Variants in KIAA1217 observed in about 807,000 individuals in gnomAD.
The protein encoded by KIAA1217 is sickle tail protein homolog.
KIAA1217 carries 88 observed loss-of-function variants against 163.9 expected under a neutral mutation model. That is an observed-to-expected ratio of 0.54 (90% CI 0.45 to 0.64). The LOEUF (loss-of-function observed/expected upper bound fraction) is 0.64. Among genes scored for constraint, KIAA1217 ranks in the 30% least tolerant of loss-of-function variants. The pLI, the probability that KIAA1217 is intolerant of heterozygous loss-of-function variation, is 0.00. For missense variants in KIAA1217, 2,372 were observed against 2,475.0 expected (o/e 0.96, Z 0.88); for synonymous variants, 903 against 923.1 (o/e 0.98, Z 0.39).
At chr10:24,330,774 C>A (rs2045570720) in intron 2 of KIAA1217, among the ~76,000 whole-genome samples, 1 of 151,972 alleles carries the variant, frequency 6.6e-6, no homozygotes, top group African/African-American at 2.4e-5. Flanking sequence ...GCCACCACAC[C>A]AGGCTAATTT....
intron 2 of KIAA1217, among the ~76,000 whole-genome samples, chr10:24,192,426 T>C (rs2066766238): frequency 6.6e-6 from 1 of 152,136 alleles, no homozygotes; most frequent in Non-Finnish European, 1.5e-5. Context: ...TCTGCTGTTT[T>C]CTCAATGTCA....
chr10:23,821,111 G>GTT (rs1241691673), intron 1 of KIAA1217, among the ~76,000 whole-genome samples: 28 of 130,838 alleles, frequency 2.1e-4, no homozygotes, highest in African/African-American at 7.6e-4. Flanking sequence ...GTGCGTGTGT[G>GTT]TGTGTGTGTG....
intron 1 of KIAA1217, among the ~76,000 whole-genome samples, chr10:23,826,934 T>C (rs1187108905): frequency 1.3e-5 from 2 of 152,194 alleles, no homozygotes; most frequent in African/African-American, 4.8e-5. Context: ...CATAAAATTT[T>C]ACTGCCCTTT....
chr10:24,229,240 C>G (rs1376089351), intron 2 of KIAA1217, among the ~76,000 whole-genome samples: 3 of 152,120 alleles, frequency 2.0e-5, no homozygotes, highest in East Asian at 3.9e-4. Flanking sequence ...TAAGTCGCAG[C>G]CTTTGGCCAC....
chr10:24,277,424 C>T (rs888901720), intron 2 of KIAA1217, among the ~76,000 whole-genome samples: 8 of 152,188 alleles, frequency 5.3e-5, no homozygotes, highest in Non-Finnish European at 7.3e-5. Context: ...TGGGGGAGCC[C>T]AGGAATGGGG....
chr10:24,438,410 C>T lies in KIAA1217; in HGVS notation c.777C>T (p.Leu259=). 6.2e-7 allele frequency: 1 copy of T among 1,613,080 alleles called. No individual in the cohort carries two copies. The highest frequency in any genetic ancestry group is 8.5e-7 in the Non-Finnish European group (1 of 1,179,052). Residue 259 remains leucine (L), a synonymous_variant, in exon 5 of 21, where the codon CTC becomes CTT. Coordinates refer to ENST00000376454, the MANE Select transcript of KIAA1217 (RefSeq NM_019590.5). ...DVRNIQDRSL[L]KVYNKDPAHA... ...GGAACATTCAAGACAGATCACTCCT[C>T]AAAGTGTACAACAAGGATCCTGCAC...
chr10:24,464,912 C>A (rs572987170), intron 5 of KIAA1217, among the ~76,000 whole-genome samples: 27 of 152,288 alleles, frequency 1.8e-4, no homozygotes, highest in African/African-American at 6.3e-4. Context: ...CATACAGTCA[C>A]TGGGACAAGC....
At position 24,062,288 on chromosome 10, in the gene KIAA1217, C is replaced by A. The variant is rs988421302; in HGVS notation, c.-171+54914C>A. On this transcript the variant is annotated intron_variant, in intron 2 of 18. Coordinates refer to the KIAA1217 transcript ENST00000376462. ...TATCTCCTAATGCTATCCCTCCCCC[C>A]TCCCCCCACCCCACAACCATCCCCA... Among the ~76,000 whole-genome samples, 27 of 104,448 alleles carry A rather than the reference C, an allele frequency of 2.6e-4. No homozygotes were observed. In the South Asian group the frequency reaches 3.2e-3, roughly 12 times the overall value. 68.5% of individuals were successfully genotyped at this position (104,448 alleles called of 152,430 possible). A position where few individuals can be genotyped will look rare whatever the true frequency, so the allele number is the denominator to read the frequency against.
intron 1 of KIAA1217, among the ~76,000 whole-genome samples, chr10:23,717,719 A>T (rs1837656766): frequency 6.6e-6 from 1 of 152,172 alleles, no homozygotes; most frequent in South Asian, 2.1e-4. Context: ...TGAAATTAGT[A>T]TGCAAAATGT....
At chr10:24,388,448 C>T (rs934993129) in intron 3 of KIAA1217, among the ~76,000 whole-genome samples, 4 of 152,084 alleles carry the variant, frequency 2.6e-5, no homozygotes, top group Non-Finnish European at 4.4e-5. Context: ...CCTAAAACCG[C>T]AAAAACCCTA....
chr10:23,787,176 T>C (rs1279891333), intron 1 of KIAA1217, among the ~76,000 whole-genome samples: 1 of 152,168 alleles, frequency 6.6e-6, no homozygotes, highest in Non-Finnish European at 1.5e-5. Flanking sequence ...AGCTCATATT[T>C]CCAAATGTTC....
At chr10:24,262,355 T>C (rs968358065) in intron 2 of KIAA1217, among the ~76,000 whole-genome samples, 1 of 151,932 alleles carries the variant, frequency 6.6e-6, no homozygotes, top group Admixed American at 6.6e-5. Flanking sequence ...TGGCCGGGCG[T>C]GGTGGCTCAC....
rs1044922449 is a variant in KIAA1217 at position 23,751,433 on chromosome 10, C to T, written c.-321+56199C>T. Among the ~76,000 whole-genome samples, 67 of 152,078 alleles carry T rather than the reference C, an allele frequency of 4.4e-4. 1 individual carries two copies. The highest frequency in any genetic ancestry group is 3.8e-3 in the Admixed American group (58 of 15,266). On this transcript the variant is annotated intron_variant, in intron 1 of 18. Transcript: ENST00000376462. ...TTTAATAATTTAAATCAGTGAGGAT[C>T]ATATGTACTGAAGCATTTTTGAAAG... is the stretch of plus-strand genomic sequence containing the variant.
At chr10:24,392,503 C>G (rs957006561) in intron 3 of KIAA1217, among the ~76,000 whole-genome samples, 6 of 152,148 alleles carry the variant, frequency 3.9e-5, no homozygotes, top group Non-Finnish European at 7.4e-5. Flanking sequence ...TTGATAATTG[C>G]TTTAGCCCTC....
At chr10:24,532,644 G>A (rs1184430372) in intron 15 of KIAA1217, among the ~76,000 whole-genome samples, 2 of 152,066 alleles carry the variant, frequency 1.3e-5, no homozygotes, top group Non-Finnish European at 2.9e-5. Context: ...ATTGTGCAGG[G>A]GAACTCCCAT....
intron 20 of KIAA1217, 200 bp downstream of exon 20, chr10:24,545,303 C>A (rs1054153998): frequency 1.4e-6 from 2 of 1,407,248 alleles, no homozygotes; most frequent in East Asian, 5.1e-5. Flanking sequence ...AATAAAACAT[C>A]TTTTACTTTG....
chr10:24,483,228 C>T (rs573410222), intron 6 of KIAA1217, among the ~76,000 whole-genome samples: 19 of 152,230 alleles, frequency 1.2e-4, no homozygotes, highest in African/African-American at 3.6e-4. Flanking sequence ...AATGACATTT[C>T]GCTATCCTGC....
chr10:24,017,349 C>T lies in KIAA1217; in HGVS notation c.-171+9975C>T, dbSNP rs538021406. On this transcript the variant is annotated intron_variant, in intron 2 of 18. Transcript: ENST00000376462. ...TGCTGGGATTGCAGGCATGAGCCACCGTGCCCAGCCAGAAATCATATTTTT... is the reference window on the plus strand; with the variant it reads ...TGCTGGGATTGCAGGCATGAGCCACTGTGCCCAGCCAGAAATCATATTTTT... 8.5e-5 allele frequency among the ~76,000 whole-genome samples: 13 copies of T among 152,206 alleles called. No individual in the cohort carries two copies. In the South Asian group the frequency reaches 2.5e-3, roughly 29 times the overall value.
intron 2 of KIAA1217, among the ~76,000 whole-genome samples, chr10:24,329,948 GCTTAA>G (rs2045443366): frequency 6.6e-6 from 1 of 152,148 alleles, no homozygotes; most frequent in Non-Finnish European, 1.5e-5. Context: ...CTTAGAACTT[GCTTAA>G]CTTGTCTAAT....
Sources: allele counts gnomAD v4.1 joint callset (sites outside exome capture counted in the v4.1 genomes callset), GRCh38; gene constraint gnomAD v4.1.1; transcripts MANE v1.5; gene names NCBI Gene and HGNC (gene_info 2026-07-23, HGNC 2026-07-21).